Variants in ANO4 observed in about 807,000 individuals in gnomAD.
ANO4 encodes the protein anoctamin 4, also known as anoctamin-4.
Under a neutral mutation model 141.9 loss-of-function variants are expected in ANO4, and 69 were observed. The observed-to-expected ratio is 0.49, with a 90% confidence interval of 0.40 to 0.59. The LOEUF is 0.59. Ranked by LOEUF, ANO4 falls within the 20% of genes least tolerant of loss-of-function variation. The pLI, the probability that ANO4 is intolerant of heterozygous loss-of-function variation, is 0.00. For synonymous variants in ANO4, 350 were observed against 394.3 expected (o/e 0.89, Z 1.33); for missense variants, 894 against 1,162.2 (o/e 0.77, Z 3.36).
chr12:100,764,756 A>G (rs1381337024), intron 3 of ANO4, among the ~76,000 whole-genome samples: 1 of 152,186 alleles, frequency 6.6e-6, no homozygotes, highest in Non-Finnish European at 1.5e-5. Flanking sequence ...CTGTTAGGAG[A>G]CTTTTCCCAC....
At chr12:100,979,459 C>T (rs1053623031) in intron 7 of ANO4, among the ~76,000 whole-genome samples, 6 of 152,076 alleles carry the variant, frequency 3.9e-5, no homozygotes, top group Admixed American at 1.3e-4. Context: ...TGTTGAGAAC[C>T]ATCACTATAG....
chr12:100,937,547 A>G (rs1592770339), intron 3 of ANO4, among the ~76,000 whole-genome samples: 1 of 152,218 alleles, frequency 6.6e-6, no homozygotes, highest in East Asian at 1.9e-4. Context: ...TGTAGGTGCT[A>G]CAACCCTTGG....
At chr12:101,105,045 A>G (rs181386426) in intron 22 of ANO4, among the ~76,000 whole-genome samples, 1 of 152,310 alleles carries the variant, frequency 6.6e-6, no homozygotes, top group East Asian at 1.9e-4. Context: ...CTTTGAGGAT[A>G]TGATGGGCAG....
chr12:100,934,569 T>C (rs2042209743), intron 3 of ANO4, among the ~76,000 whole-genome samples: 1 of 152,024 alleles, frequency 6.6e-6, no homozygotes, highest in African/African-American at 2.4e-5. Context: ...GTCTTGGCAA[T>C]GTGGGCTCTT....
At chr12:100,810,018 A>G (rs898799838) in intron 1 of ANO4, among the ~76,000 whole-genome samples, 1 of 152,086 alleles carries the variant, frequency 6.6e-6, no homozygotes, top group South Asian at 2.1e-4. Context: ...CCAGACAGAT[A>G]TGCTCCCCAC....
intron 1 of ANO4, among the ~76,000 whole-genome samples, chr12:100,861,442 A>G (rs948266568): frequency 2.0e-5 from 3 of 152,228 alleles, no homozygotes; most frequent in African/African-American, 7.2e-5. Flanking sequence ...GTATCTAAAC[A>G]TATCTAAACA....
intron 3 of ANO4, among the ~76,000 whole-genome samples, chr12:100,936,170 A>T (rs964164842): frequency 2.6e-5 from 4 of 152,138 alleles, no homozygotes; most frequent in Non-Finnish European, 5.9e-5. Context: ...AGTGATTCTG[A>T]TGGGAAAGAA....
intron 3 of ANO4, among the ~76,000 whole-genome samples, chr12:100,770,964 G>A (rs541655176): frequency 3.3e-5 from 5 of 152,032 alleles, no homozygotes; most frequent in Non-Finnish European, 7.4e-5. Context: ...GAGCTGGTGG[G>A]CATTGAGAAT....
intron 23 of ANO4, 29 bp from the exon 24 acceptor site, chr12:101,111,534 G>C (rs2050664953): frequency 6.4e-7 from 1 of 1,562,530 alleles, no homozygotes. Flanking sequence ...TTTGTGTATG[G>C]AACTAACACA....
intron 14 of ANO4, 48 bp downstream of exon 14, chr12:101,048,449 T>C (rs2047724687): frequency 2.0e-6 from 3 of 1,520,642 alleles, no homozygotes; most frequent in Non-Finnish European, 2.7e-6. Context: ...ATATGCCCTA[T>C]GATATATTCC....
At chr12:100,727,043 G>A (rs899866477) in intron 1 of ANO4, among the ~76,000 whole-genome samples, 2 of 146,858 alleles carry the variant, frequency 1.4e-5, no homozygotes, top group African/African-American at 5.0e-5. Flanking sequence ...GGCCTGTAAT[G>A]ATATTGATTT....
intron 1 of ANO4, among the ~76,000 whole-genome samples, chr12:100,850,638 T>C (rs2037813902): frequency 6.6e-6 from 1 of 152,178 alleles, no homozygotes; most frequent in African/African-American, 2.4e-5. Context: ...TAAATGTGCT[T>C]TTATTTTAAG....
intron 8 of ANO4, among the ~76,000 whole-genome samples, chr12:100,988,904 A>G (rs1251332584): frequency 1.3e-5 from 2 of 150,672 alleles, no homozygotes; most frequent in East Asian, 4.0e-4. Flanking sequence ...AAAAACAAAA[A>G]ACGAAGGTAA....
At chr12:101,062,651 A>G (rs1160590067) in intron 14 of ANO4, among the ~76,000 whole-genome samples, 2 of 152,218 alleles carry the variant, frequency 1.3e-5, no homozygotes, top group African/African-American at 2.4e-5. Flanking sequence ...GGCTCCACCC[A>G]GTTCTAACTT....
chr12:100,742,536 C>T (rs1259856921), intron 3 of ANO4, among the ~76,000 whole-genome samples: 2 of 152,154 alleles, frequency 1.3e-5, no homozygotes, highest in Non-Finnish European at 2.9e-5. Context: ...CTTCACAATT[C>T]TAAGCTATCT....
chr12:101,044,586 T>C (rs2047548979), intron 13 of ANO4, among the ~76,000 whole-genome samples: 1 of 152,220 alleles, frequency 6.6e-6, no homozygotes, highest in South Asian at 2.1e-4. Context: ...GAAGCCTGGA[T>C]CTATCTAATT....
chr12:101,067,632 G>A (rs889634103), intron 14 of ANO4, among the ~76,000 whole-genome samples: 26 of 152,166 alleles, frequency 1.7e-4, no homozygotes, highest in Non-Finnish European at 2.4e-4. Flanking sequence ...GCAGTGAGCC[G>A]AGGTTGCACC....
At chr12:100,970,659 CCCTCTCCTTCCTTCCT>C (rs1460016924) in intron 5 of ANO4, among the ~76,000 whole-genome samples, 2 of 113,638 alleles carry the variant, frequency 1.8e-5, no homozygotes, top group African/African-American at 3.0e-5. Flanking sequence ...CTCCCTCCCT[CCCTCTCCTTCCTTCCT>C]TCCTTCCTTC....
At chr12:100,890,663 C>A (rs1310719901) in intron 1 of ANO4, among the ~76,000 whole-genome samples, 1 of 152,086 alleles carries the variant, frequency 6.6e-6, no homozygotes, top group Admixed American at 6.6e-5. Context: ...AGGTTCACAG[C>A]AAAATTGACT....
Sources: gnomAD v4.1 joint callset for allele counts (sites outside exome capture counted in the v4.1 genomes callset) on GRCh38, gnomAD v4.1.1 for gene constraint, MANE v1.5 for transcripts, NCBI Gene and HGNC (gene_info 2026-07-23, HGNC 2026-07-21) for gene names.